The following OSBPL8 variants were observed in gnomAD, a reference collection of about 807,000 sequenced individuals.
OSBPL8 encodes the protein oxysterol binding protein like 8, also known as oxysterol-binding protein-related protein 8.
In OSBPL8, 59 loss-of-function variants were observed where a neutral mutation model predicts 125.5. The observed-to-expected ratio is 0.47, with a 90% CI of 0.38 to 0.58. OSBPL8 has a LOEUF of 0.58. Among genes scored for constraint, OSBPL8 ranks in the 20% least tolerant of loss-of-function variants. The pLI is 0.00. For missense variants in OSBPL8, 758 were observed against 1,047.8 expected (o/e 0.72, Z 3.82); for synonymous variants, 330 against 338.9 (o/e 0.97, Z 0.29).
intron 4 of OSBPL8, among the ~76,000 whole-genome samples, chr12:76,427,574 G>A (rs1870298224): frequency 6.6e-6 from 1 of 151,704 alleles, no homozygotes; most frequent in African/African-American, 2.4e-5. Context: ...AATGGCAACT[G>A]TTCCTTCAAA....
chr12:76,398,035 G>T, intron 7 of OSBPL8, 138 bp from the exon 8 acceptor site: 1 of 724,562 alleles, frequency 1.4e-6, no homozygotes, highest in Non-Finnish European at 2.2e-6. Context: ...GCTACTACAT[G>T]GCAAGCACAG....
intron 1 of OSBPL8, among the ~76,000 whole-genome samples, chr12:76,546,696 G>A (rs1950792254): frequency 6.6e-6 from 1 of 152,030 alleles, no homozygotes; most frequent in Non-Finnish European, 1.5e-5. Flanking sequence ...ATATCTGAGA[G>A]GGAAAATGTT....
At chr12:76,522,444 G>A (rs1239932107) in intron 1 of OSBPL8, among the ~76,000 whole-genome samples, 3 of 152,078 alleles carry the variant, frequency 2.0e-5, no homozygotes, top group East Asian at 3.9e-4. Flanking sequence ...AGGATCATGG[G>A]GGCAGATTCT....
chr12:76,465,598 T>G (rs1875319974), intron 2 of OSBPL8, among the ~76,000 whole-genome samples: 1 of 152,004 alleles, frequency 6.6e-6, no homozygotes, highest in Non-Finnish European at 1.5e-5. Context: ...TAAAAAGATG[T>G]GTCCACGGAT....
chr12:76,368,181 T>A (rs980106089), intron 21 of OSBPL8, among the ~76,000 whole-genome samples: 1 of 152,220 alleles, frequency 6.6e-6, no homozygotes, highest in East Asian at 1.9e-4. Context: ...TTTTGCCAGA[T>A]ACAGAATTCT....
intron 15 of OSBPL8, among the ~76,000 whole-genome samples, chr12:76,380,623 T>C (rs961905141): frequency 2.6e-5 from 4 of 151,848 alleles, no homozygotes; most frequent in Non-Finnish European, 5.9e-5. Flanking sequence ...CTTGAGACCT[T>C]ACTAAATTCA....
intron 2 of OSBPL8, among the ~76,000 whole-genome samples, chr12:76,482,159 G>A (rs1295942014): frequency 1.3e-5 from 2 of 152,130 alleles, no homozygotes; most frequent in Non-Finnish European, 2.9e-5. Flanking sequence ...TCAACTGAGA[G>A]CATAAAAAAG....
chr12:76,434,178 T>C (rs1434290020), intron 4 of OSBPL8, among the ~76,000 whole-genome samples: 1 of 152,016 alleles, frequency 6.6e-6, no homozygotes, highest in East Asian at 1.9e-4. Flanking sequence ...TGGAACAGAA[T>C]AGAGAGCCCA....
At chr12:76,417,309 T>C (rs1294491372) in intron 4 of OSBPL8, among the ~76,000 whole-genome samples, 3 of 152,240 alleles carry the variant, frequency 2.0e-5, no homozygotes, top group South Asian at 4.1e-4. Context: ...GAAGGAAATC[T>C]GGGTGTTTTC....
intron 2 of OSBPL8, among the ~76,000 whole-genome samples, chr12:76,463,017 G>T (rs1297647432): frequency 6.6e-6 from 1 of 152,176 alleles, no homozygotes; most frequent in Non-Finnish European, 1.5e-5. Context: ...TTTTGAATAA[G>T]ATGGGGAACC....
intron 22 of OSBPL8, among the ~76,000 whole-genome samples, chr12:76,358,302 C>T (rs560953326): frequency 6.6e-6 from 1 of 151,012 alleles, no homozygotes; most frequent in Admixed American, 6.6e-5. Flanking sequence ...GTCTCAGCCT[C>T]CCAAGTAGCT....
chr12:76,544,095 T>G (rs928046717), intron 1 of OSBPL8, among the ~76,000 whole-genome samples: 13 of 152,138 alleles, frequency 8.5e-5, no homozygotes, highest in African/African-American at 3.1e-4. Flanking sequence ...AACATACAAA[T>G]AAAGGTCATC....
intron 2 of OSBPL8, among the ~76,000 whole-genome samples, chr12:76,476,293 C>G (rs1370498809): frequency 6.6e-6 from 1 of 151,976 alleles, no homozygotes; most frequent in Non-Finnish European, 1.5e-5. Context: ...AGCTCACAAA[C>G]AAAAATAATA....
At chr12:76,449,707 T>C (rs1236546773) in intron 4 of OSBPL8, among the ~76,000 whole-genome samples, 2 of 152,220 alleles carry the variant, frequency 1.3e-5, no homozygotes, top group Non-Finnish European at 2.9e-5. Context: ...CCCTTCTCTG[T>C]ACTATATTTT....
At chr12:76,357,170 C>A (rs1952018758) in intron 22 of OSBPL8, among the ~76,000 whole-genome samples, 1 of 152,238 alleles carries the variant, frequency 6.6e-6, no homozygotes, top group East Asian at 1.9e-4. Context: ...AATCAGCAAG[C>A]TGTACATGTT....
chr12:76,395,182 T>C (rs1953739880), intron 8 of OSBPL8, among the ~76,000 whole-genome samples: 2 of 152,164 alleles, frequency 1.3e-5, no homozygotes. Context: ...TTATAACCAA[T>C]GACATACACC....
At chr12:76,373,200 C>A (rs1952685023) in intron 18 of OSBPL8, 144 bp downstream of exon 18, 1 of 525,406 alleles carries the variant, frequency 1.9e-6, no homozygotes, top group East Asian at 3.1e-5. Flanking sequence ...TAACAGAACA[C>A]CACCAAAATA....
chr12:76,515,118 C>A (rs1881405567), intron 1 of OSBPL8, among the ~76,000 whole-genome samples: 1 of 152,156 alleles, frequency 6.6e-6, no homozygotes, highest in African/African-American at 2.4e-5. Context: ...GATATTCATT[C>A]CTATCCACGT....
intron 2 of OSBPL8, among the ~76,000 whole-genome samples, chr12:76,476,594 CAGGAAGAAAAAAGATGGA>C (rs1460247092): frequency 1.3e-5 from 2 of 151,522 alleles, no homozygotes; most frequent in Non-Finnish European, 2.9e-5. Context: ...AAGAAGTCAT[CAGGAAGAAAAAAGATGGA>C]AAATATACAT....
Sources: allele counts gnomAD v4.1 joint callset (sites outside exome capture counted in the v4.1 genomes callset), GRCh38; gene constraint gnomAD v4.1.1; transcripts MANE v1.5; gene names NCBI Gene and HGNC (gene_info 2026-07-23, HGNC 2026-07-21).